Variants in CRYBG3 observed in about 807,000 individuals in gnomAD.
The protein encoded by CRYBG3 is crystallin beta-gamma domain containing 3, also known as very large A-kinase anchor protein.
CRYBG3 carries 127 observed loss-of-function variants against 244.2 expected under a neutral mutation model. The observed-to-expected ratio is 0.52, with a 90% CI of 0.45 to 0.60. The LOEUF is 0.60. Ranked by LOEUF, CRYBG3 falls within the 20% of genes least tolerant of loss-of-function variation. The probability of loss-of-function intolerance (pLI) is 0.00; values close to 1 mark genes in which losing one functional copy is unlikely to be tolerated. For synonymous variants in CRYBG3, 1,132 were observed against 1,195.8 expected, an observed-to-expected ratio of 0.95 and a Z score of 1.10; for missense variants, 3,325 against 3,442.5, an observed-to-expected ratio of 0.97 and a Z score of 0.85.
At chr3:97,912,108 C>T (rs1201704345) in intron 15 of CRYBG3, 59 bp from the exon 16 acceptor site, 3 of 788,414 alleles carry the variant, frequency 3.8e-6, no homozygotes, top group African/African-American at 1.8e-5. Flanking sequence ...TTTTTATTTG[C>T]TCGTGATCAT....
At chr3:97,896,132 G>T in intron 12 of CRYBG3, 47 bp downstream of exon 12, 1 of 1,551,318 alleles carries the variant, frequency 6.4e-7, no homozygotes, top group Non-Finnish European at 8.7e-7. Context: ...TAAAAAATCT[G>T]TTCACAAAAA....
chr3:97,831,096 A>C (rs371919644), intron 1 of CRYBG3, among the ~76,000 whole-genome samples: 1 of 152,196 alleles, frequency 6.6e-6, no homozygotes, highest in Non-Finnish European at 1.5e-5. Context: ...TGATTACCAA[A>C]TATCCCAGTA....
At position 97,847,095 on chromosome 3, in the gene CRYBG3, A is replaced by G. The variant is rs532716309; in HGVS notation, c.216+3834A>G. Among the ~76,000 whole-genome samples, 38 of 152,266 alleles carry G rather than the reference A, an allele frequency of 2.5e-4. No homozygotes were observed. The South Asian group carries it at 7.9e-3, about 32-fold the overall frequency. Reference sequence around the variant, plus strand: ...CACTTCTAAACAACCAGATCTCACGAGAACTCACTCACTATTGCAAGGACA... The same window carrying G: ...CACTTCTAAACAACCAGATCTCACGGGAACTCACTCACTATTGCAAGGACA... On this transcript the variant is annotated intron_variant, in intron 2 of 21. Coordinates refer to ENST00000389622, the MANE Select transcript of CRYBG3 (RefSeq NM_153605.4).
chr3:97,825,011 G>T (rs2038559987), intron 1 of CRYBG3, among the ~76,000 whole-genome samples: 1 of 152,134 alleles, frequency 6.6e-6, no homozygotes, highest in Non-Finnish European at 1.5e-5. Context: ...TATACAAAGA[G>T]AACTTAGGAA....
intron 17 of CRYBG3, chr3:97,924,540 G>A (rs2040018329): frequency 5.6e-6 from 2 of 357,606 alleles, no homozygotes; most frequent in Admixed American, 7.9e-5. Flanking sequence ...GTCTTACTGT[G>A]GTAAAATTAA....
chr3:97,831,309 C>CT (rs1386068309), intron 1 of CRYBG3, among the ~76,000 whole-genome samples: 1 of 152,126 alleles, frequency 6.6e-6, no homozygotes, highest in African/African-American at 2.4e-5. Context: ...AGTCTTTCTT[C>CT]TTGTAATATG....
chr3:97,908,003 T>C (rs1021783537), intron 15 of CRYBG3, among the ~76,000 whole-genome samples: 2 of 152,246 alleles, frequency 1.3e-5, no homozygotes, highest in Admixed American at 6.5e-5. Context: ...TTTTGTTATG[T>C]ACCCAGTAGT....
chr3:97,899,143 T>G lies in CRYBG3; in HGVS notation c.7851T>G (p.Val2617=), dbSNP rs753890493. ...TTTCTTTTTTCCCTACTAGATGGGT[T>G]GCCTACCAGCAAAAGTTCTTCTGTG... ...RSIHVKSGVW[V]AYQQKFFCGE... The change falls in exon 14 of 22, where the codon GTT becomes GTG. Residue 2617 remains valine (V), a synonymous_variant. Transcript: ENST00000389622. 7.5e-6 allele frequency: 12 copies of G among 1,609,886 alleles called. No individual in the cohort carries two copies. In the East Asian group the frequency reaches 2.2e-4, roughly 30 times the overall value.
chr3:97,902,494 T>TAA (rs35061161), intron 15 of CRYBG3, among the ~76,000 whole-genome samples: 1 of 146,712 alleles, frequency 6.8e-6, no homozygotes, highest in Non-Finnish European at 1.5e-5. Context: ...TTATTTCTTC[T>TAA]AAAAAAAAAA....
At chr3:97,922,185 AT>A (rs1559744910) in intron 17 of CRYBG3, among the ~76,000 whole-genome samples, 2 of 152,342 alleles carry the variant, frequency 1.3e-5, no homozygotes, top group East Asian at 3.9e-4. Flanking sequence ...ACAAAAATTA[AT>A]TCAAGATGGA....
rs565262413 is a variant in CRYBG3 at position 97,824,373 on chromosome 3, T to C, written c.149+2018T>C. 1.7e-3 allele frequency among the ~76,000 whole-genome samples: 262 copies of C among 152,342 alleles called. 1 individual carries two copies. Among genetic ancestry groups the C allele is most frequent in the South Asian group, 3.3e-3 (16 of 4,830 alleles). On this transcript the variant is annotated intron_variant, in intron 1 of 21. Coordinates refer to ENST00000389622, the MANE Select transcript of CRYBG3 (RefSeq NM_153605.4). Reference sequence around the variant, plus strand: ...GAGCTGGGTATACCTTCTGTAGTGATGATTTTAGATGAAGAGGAGTACAAA... The same window carrying C: ...GAGCTGGGTATACCTTCTGTAGTGACGATTTTAGATGAAGAGGAGTACAAA...
chr3:97,901,934 G>A (rs2039710770), intron 15 of CRYBG3, among the ~76,000 whole-genome samples: 1 of 152,102 alleles, frequency 6.6e-6, no homozygotes, highest in Non-Finnish European at 1.5e-5. Context: ...TTTCTGACAG[G>A]TATATGATAG....
At chr3:97,886,050 T>A (rs183919052) in intron 7 of CRYBG3, among the ~76,000 whole-genome samples, 1 of 152,228 alleles carries the variant, frequency 6.6e-6, no homozygotes. Context: ...GAGTAAAGGG[T>A]CAATTTCATA....
Position 97,875,341 on chromosome 3 carries a change from C to G in CRYBG3, c.4147C>G (p.Leu1383Val), listed in dbSNP as rs75843914. ...ENKVLNEFFS[L>V]SNLASGTESI... ...TAAAGTATTAAATGAATTCTTCTCC[C>G]TAAGTAACTTAGCTAGTGGCACAGA... Residue 1383 changes from leucine to valine, a missense_variant, in exon 4 of 22, where the codon CTA becomes GTA. By Grantham distance (32) the Leu-to-Val change is conservative. This residue lies in a region of CRYBG3 where 635 missense variants were observed against 771.7 expected (regional missense o/e 0.82). Transcript: ENST00000389622. 4.7e-3 allele frequency: 6,653 copies of G among 1,429,170 alleles called. 195 individuals carry two copies. In the East Asian group the frequency reaches 0.068, roughly 15 times the overall value. The allele number at this position is 1,429,170 out of a possible 1,614,324, so 88.5% of individuals were successfully genotyped here.
In CRYBG3 at chr3:97,872,552, CA is replaced by C; in HGVS notation, c.1361del (p.Asn454IlefsTer27). The C allele has an allele frequency of 6.5e-7, 1 of 1,535,962 alleles. No homozygotes were observed. The highest frequency in any genetic ancestry group is 8.7e-7 in the Non-Finnish European group (1 of 1,146,812). On this transcript the variant is annotated frameshift_variant, in exon 4 of 22. Transcript: ENST00000389622. LOFTEE classifies it high-confidence loss of function. Reference protein sequence around the residue: ...DGSDTTEQESTNLPSPNKSIR... With the variant: ...DGSDTTEQESXNLPSPNKSIR... ...AGTGACACTACTGAGCAGGAAAGTA[CA>C]AATTTGCCAAGTCCAAATAAATCAA...
At position 97,872,560 on chromosome 3, in the gene CRYBG3, C is replaced by G; in HGVS notation, c.1366C>G (p.Pro456Ala). Residue 456 changes from proline (P) to alanine (A), a missense_variant, in exon 4 of 22, where the codon CCA becomes GCA. Physicochemically the swap from Pro to Ala is conservative, Grantham distance 27 (BLOSUM62 -1). Transcript: ENST00000389622. ...TACTGAGCAGGAAAGTACAAATTTG[C>G]CAAGTCCAAATAAATCAATTAGGCA... Reference protein sequence around the residue: ...DTTEQESTNLPSPNKSIRHEH... With the variant: ...DTTEQESTNLASPNKSIRHEH... 1 of 1,535,838 alleles carries G rather than the reference C, an allele frequency of 6.5e-7. No individual in the cohort carries two copies. Among genetic ancestry groups the G allele is most frequent in the Non-Finnish European group, 8.7e-7 (1 of 1,146,790 alleles).
intron 2 of CRYBG3, among the ~76,000 whole-genome samples, chr3:97,848,460 C>G (rs567445909): frequency 2.0e-5 from 3 of 152,140 alleles, no homozygotes; most frequent in South Asian, 2.1e-4. Flanking sequence ...TGCCACCACT[C>G]TCGGCTAATT....
At chr3:97,885,775 T>C (rs1190860843) in intron 7 of CRYBG3, among the ~76,000 whole-genome samples, 3 of 152,044 alleles carry the variant, frequency 2.0e-5, no homozygotes, top group Admixed American at 6.6e-5. Flanking sequence ...TGTCCTATTA[T>C]AGAAAGACAA....
chr3:97,915,775 T>G, intron 17 of CRYBG3, 39 bp downstream of exon 17: 1 of 1,522,120 alleles, frequency 6.6e-7, no homozygotes, highest in Non-Finnish European at 9.0e-7. Context: ...AAGATTCTTT[T>G]TCTTGTCCAG....
Sources: allele counts gnomAD v4.1 joint callset (sites outside exome capture counted in the v4.1 genomes callset), GRCh38; gene constraint gnomAD v4.1.1; regional missense constraint gnomAD v4.1.1; transcripts MANE v1.5; gene names NCBI Gene and HGNC (gene_info 2026-07-23, HGNC 2026-07-21).